The following REV3L variants were observed in gnomAD, a reference collection of about 807,000 sequenced individuals.
The protein encoded by REV3L is DNA polymerase zeta catalytic subunit.
Under a neutral mutation model 299.4 loss-of-function variants are expected in REV3L, and 69 were observed. The observed-to-expected ratio is 0.23, with a 90% CI of 0.19 to 0.28. The LOEUF is 0.28. Among genes scored for constraint, REV3L ranks in the 10% least tolerant of loss-of-function variants. The pLI, the probability that REV3L is intolerant of heterozygous loss-of-function variation, is 1.00. For missense variants in REV3L, 3,128 were observed against 3,693.8 expected, an observed-to-expected ratio of 0.85 and a Z score of 3.97; for synonymous variants, 1,238 against 1,271.4, an observed-to-expected ratio of 0.97 and a Z score of 0.56.
At chr6:111,392,762 G>C (rs1562243935) in intron 5 of REV3L, 114 bp downstream of exon 5, 2 of 645,774 alleles carry the variant, frequency 3.1e-6, no homozygotes, top group South Asian at 2.1e-5. Flanking sequence ...TAAGTGTATA[G>C]ATTAAAAAGA....
Position 111,379,994 on chromosome 6 carries a change from C to A in REV3L, c.1442G>T (p.Cys481Phe), listed in dbSNP as rs776021801. Residue 481 changes from cysteine to phenylalanine, a missense_variant, in exon 11 of 32, where the codon TGT becomes TTT. This residue lies in a region of REV3L where 2,409 missense variants were observed against 2,611.8 expected (regional missense o/e 0.92). Transcript: ENST00000368802. ...ACTAAAAAATTACCTCTTTTTGGCACAATGTTCTTCAATATTGCTGTCCCA... is the reference window on the plus strand; with the variant it reads ...ACTAAAAAATTACCTCTTTTTGGCAAAATGTTCTTCAATATTGCTGTCCCA... ...QRWDSNIEEHCAKKRSLCRNT... is the reference protein window; with the variant it reads ...QRWDSNIEEHFAKKRSLCRNT... 66 of 1,607,658 alleles carry A rather than the reference C, an allele frequency of 4.1e-5. No individual in the cohort carries two copies. Among genetic ancestry groups the A allele is most frequent in the Non-Finnish European group, 5.5e-5 (65 of 1,175,832 alleles).
rs1027023590 is a variant in REV3L, at chr6:111,483,077, G to A, written c.-189C>T. On this transcript the variant is annotated 5_prime_UTR_variant, in exon 1 of 32. Transcript: ENST00000368802. ...GGCGCTGCTGCCGCCGCCTCCTCAG[G>A]AGCACCCGGCAAGGGGCCGCAGGAG... 7.8e-6 allele frequency: 5 copies of A among 641,414 alleles called. No homozygotes were observed. Among genetic ancestry groups the A allele is most frequent in the African/African-American group, 7.7e-5 (4 of 51,816 alleles). The allele number at this position is 641,414 out of a possible 1,614,324, so 39.7% of individuals were successfully genotyped here. A position where few individuals can be genotyped will look rare whatever the true frequency, so the allele number is the denominator to read the frequency against.
At chr6:111,455,919 CAA>C (rs745556628) in intron 1 of REV3L, among the ~76,000 whole-genome samples, 220 of 152,290 alleles carry the variant, frequency 1.4e-3, no homozygotes, top group Middle Eastern at 0.01. Flanking sequence ...AATGCACATG[CAA>C]TGGTGGTTCC....
At chr6:111,386,878 C>T (rs971226297) in intron 9 of REV3L, among the ~76,000 whole-genome samples, 3 of 151,836 alleles carry the variant, frequency 2.0e-5, no homozygotes, top group Non-Finnish European at 2.9e-5. Context: ...TGCGCCACCA[C>T]GCCCGGCTAA....
At chr6:111,314,909 C>T (rs954681545) in intron 27 of REV3L, among the ~76,000 whole-genome samples, 25 of 149,854 alleles carry the variant, frequency 1.7e-4, no homozygotes, top group South Asian at 4.2e-4. Context: ...TGGAGTGCAC[C>T]GGTCAATCAC....
chr6:111,392,670 G>A (rs1182441921), intron 5 of REV3L: 5 of 415,694 alleles, frequency 1.2e-5, no homozygotes. Flanking sequence ...TTGTTAATTA[G>A]GTAATAACTA....
intron 31 of REV3L, among the ~76,000 whole-genome samples, chr6:111,306,323 G>A (rs1306887236): frequency 6.6e-6 from 1 of 152,168 alleles, no homozygotes; most frequent in Non-Finnish European, 1.5e-5. Context: ...GCGGCGAGGG[G>A]CATTCACAGA....
At chr6:111,483,669 A>C (rs1257291032), upstream of REV3L, 1 of 413,182 alleles carries the variant, frequency 2.4e-6, no homozygotes, top group African/African-American at 2.2e-5. Flanking sequence ...TCACAAGGTA[A>C]GAAAATCCGC....
At position 111,373,736 on chromosome 6, in the gene REV3L, T is replaced by C; in HGVS notation, c.4619A>G (p.Lys1540Arg). The change falls in exon 13 of 32, where the codon AAA (lysine) becomes AGA (arginine). Residue 1540 changes from lysine to arginine, a missense_variant. Physicochemically the swap from Lys to Arg is conservative, Grantham distance 26. Coordinates refer to ENST00000368802, the MANE Select transcript of REV3L (RefSeq NM_001372078.1). ...TTGTGTAGTATTTGCATTTTGTGCT[T>C]TCTGCTGTCTTTTTTGTAACAATTC... is the stretch of plus-strand genomic sequence containing the variant. ...LKELLQKRQQKAQNANTTQDP... is the reference protein window; with the variant it reads ...LKELLQKRQQRAQNANTTQDP... The C allele has an allele frequency of 3.7e-6, 6 of 1,613,924 alleles. No homozygotes were observed. The highest frequency in any genetic ancestry group is 5.1e-6 in the Non-Finnish European group (6 of 1,179,960).
intron 1 of REV3L, among the ~76,000 whole-genome samples, chr6:111,470,718 G>A (rs1246768953): frequency 2.0e-5 from 3 of 152,250 alleles, no homozygotes; most frequent in African/African-American, 7.2e-5. Context: ...GATGGCTCAC[G>A]CCTGTAATCC....
chr6:111,419,126 C>G (rs1785056467), intron 1 of REV3L, among the ~76,000 whole-genome samples: 1 of 152,180 alleles, frequency 6.6e-6, no homozygotes, highest in South Asian at 2.1e-4. Flanking sequence ...TGTAGTCACT[C>G]TATCAACACA....
At chr6:111,366,011 G>A (rs1214900630) in intron 14 of REV3L, among the ~76,000 whole-genome samples, 1 of 152,170 alleles carries the variant, frequency 6.6e-6, no homozygotes, top group Non-Finnish European at 1.5e-5. Flanking sequence ...ATAAACAAGT[G>A]ATAAGGCTTG....
At position 111,376,156 on chromosome 6, in the gene REV3L, A is replaced by G. The variant is rs148453236; in HGVS notation, c.2199T>C (p.Ser733=). The G allele has an allele frequency of 1.7e-4, 270 of 1,612,528 alleles. No individual in the cohort carries two copies. The highest frequency in any genetic ancestry group is 2.1e-4 in the Non-Finnish European group (251 of 1,179,930). Residue 733 remains serine (S), a synonymous_variant, in exon 13 of 32, where the codon AGT becomes AGC. Coordinates refer to ENST00000368802, the MANE Select transcript of REV3L (RefSeq NM_001372078.1). ...CAGTAAATGATGAAGGGAATAAACT[A>G]CTCAGAGCTGTGCTGTTTCCTTTTT... ...GNEKGNSTAL[S]SLFPSSFTEN...
rs1046935478 is a variant in REV3L at position 111,407,686 on chromosome 6, G to C, written c.405-2056C>G. ...ACAGTGGCTTGTGCTTGTAATCCCAGCACTTTGGGAGGCTGAGGCAGGTGG... is the reference window on the plus strand; with the variant it reads ...ACAGTGGCTTGTGCTTGTAATCCCACCACTTTGGGAGGCTGAGGCAGGTGG... On this transcript the variant is annotated intron_variant, in intron 3 of 31. Coordinates refer to ENST00000368802, the MANE Select transcript of REV3L (RefSeq NM_001372078.1). 4.6e-5 allele frequency among the ~76,000 whole-genome samples: 7 copies of C among 152,186 alleles called. 1 individual carries two copies. Among genetic ancestry groups the C allele is most frequent in the Non-Finnish European group, 7.4e-5 (5 of 68,022 alleles).
At chr6:111,445,352 C>A (rs1008002245) in intron 1 of REV3L, among the ~76,000 whole-genome samples, 2 of 151,868 alleles carry the variant, frequency 1.3e-5, no homozygotes, top group African/African-American at 2.4e-5. Flanking sequence ...ATGTAACAAA[C>A]CTGAATATGT....
Position 111,373,460 on chromosome 6 carries a change from C to T in REV3L, c.4895G>A (p.Cys1632Tyr). The change falls in exon 13 of 32, where the codon TGT becomes TAT. Residue 1632 changes from cysteine to tyrosine, a missense_variant. Cys to Tyr is a radical substitution (Grantham distance 194). Coordinates refer to ENST00000368802, the MANE Select transcript of REV3L (RefSeq NM_001372078.1). ...AGATAAACTATCTTCAAGTGAGTAA[C>T]AACTTTCAAAGCCTGGATCTGAAAA... Reference protein sequence around the residue: ...IFFSDPGFESCYSLEDSLSPE... With the variant: ...IFFSDPGFESYYSLEDSLSPE... The T allele has an allele frequency of 6.2e-7, 1 of 1,613,732 alleles. No individual in the cohort carries two copies.
chr6:111,473,124 G>A (rs1469594231), intron 1 of REV3L, among the ~76,000 whole-genome samples: 2 of 152,096 alleles, frequency 1.3e-5, no homozygotes, highest in Admixed American at 6.5e-5. Context: ...TACTTTATAA[G>A]TAAGTTCAAA....
At chr6:111,331,833 A>G (rs1775414623) in intron 23 of REV3L, 49 bp from the exon 24 acceptor site, 1 of 1,215,820 alleles carries the variant, frequency 8.2e-7, no homozygotes, top group Non-Finnish European at 1.2e-6. Flanking sequence ...ATCATAGAAC[A>G]GAGATTTTAC....
rs568379517 is a variant in REV3L at position 111,408,049 on chromosome 6, G to A, written c.405-2419C>T. The stretch of plus-strand genomic sequence containing the variant: ...TGTTTCTATGAGTATGAATGTGTGC[G>A]TATAATTAGCAAAGTTTTATTAATA... On this transcript the variant is annotated intron_variant, in intron 3 of 31. Transcript: ENST00000368802. Among the ~76,000 whole-genome samples, 41 of 152,240 alleles carry A rather than the reference G, an allele frequency of 2.7e-4. No homozygotes were observed. The South Asian group carries it at 6.6e-3, about 25-fold the overall frequency.
Sources: allele counts gnomAD v4.1 joint callset (sites outside exome capture counted in the v4.1 genomes callset), GRCh38; gene constraint gnomAD v4.1.1; regional missense constraint gnomAD v4.1.1; transcripts MANE v1.5; gene names NCBI Gene and HGNC (gene_info 2026-07-23, HGNC 2026-07-21).